Variants in ATG4C observed in about 807,000 individuals in gnomAD.
ATG4C encodes the protein autophagy related 4C cysteine peptidase.
Under a neutral mutation model 57.6 loss-of-function variants are expected in ATG4C, and 56 were observed. That is an observed-to-expected ratio of 0.97 (90% CI 0.78 to 1.21). The LOEUF (loss-of-function observed/expected upper bound fraction) is 1.21, where lower values mean the gene tolerates loss of function less well. Among genes scored for constraint, ATG4C ranks in the 50% most tolerant of loss-of-function variants. ATG4C has a pLI of 0.00. For synonymous variants in ATG4C, 157 were observed against 174.1 expected (o/e 0.90, Z 0.78); for missense variants, 595 against 529.8 (o/e 1.12, Z -1.21).
intron 1 of ATG4C, among the ~76,000 whole-genome samples, chr1:62,793,504 TA>T (rs566423350): frequency 1.0e-3 from 144 of 143,334 alleles, no homozygotes; most frequent in African/African-American, 3.4e-3. Flanking sequence ...TCCCAACTAC[TA>T]GGGAACTGAG....
chr1:62,826,528 G>C (rs1046485269), intron 6 of ATG4C, among the ~76,000 whole-genome samples: 1 of 151,766 alleles, frequency 6.6e-6, no homozygotes, highest in Non-Finnish European at 1.5e-5. Flanking sequence ...GAGCTACCAC[G>C]CCCGGCCGAC....
At chr1:62,857,357 C>T (rs1162250229) in intron 10 of ATG4C, among the ~76,000 whole-genome samples, 1 of 152,094 alleles carries the variant, frequency 6.6e-6, no homozygotes, top group Non-Finnish European at 1.5e-5. Context: ...GTTGCATGCT[C>T]CTTATGAGAA....
At chr1:62,802,141 C>A (rs949237250) in intron 1 of ATG4C, among the ~76,000 whole-genome samples, 1 of 152,002 alleles carries the variant, frequency 6.6e-6, no homozygotes, top group African/African-American at 2.4e-5. Flanking sequence ...GTTTCACACA[C>A]CAAAGCCTGG....
chr1:62,820,380 G>A (rs1665443296), intron 5 of ATG4C, among the ~76,000 whole-genome samples: 1 of 151,818 alleles, frequency 6.6e-6, no homozygotes, highest in Non-Finnish European at 1.5e-5. Context: ...GCTTGCAGAT[G>A]GTACAAAAAC....
At chr1:62,817,739 G>C (rs1665329394) in intron 4 of ATG4C, among the ~76,000 whole-genome samples, 1 of 152,050 alleles carries the variant, frequency 6.6e-6, no homozygotes, top group Non-Finnish European at 1.5e-5. Flanking sequence ...TTCCTAATGT[G>C]CCACCTTTGT....
intron 9 of ATG4C, chr1:62,835,625 C>T (rs1284708797): frequency 1.2e-5 from 2 of 161,368 alleles, no homozygotes; most frequent in African/African-American, 2.4e-5. Flanking sequence ...CTAATATTAA[C>T]ACCTAATAGT....
chr1:62,832,805 T>G (rs1028617686), intron 7 of ATG4C, among the ~76,000 whole-genome samples: 10 of 152,216 alleles, frequency 6.6e-5, no homozygotes, highest in African/African-American at 2.4e-4. Flanking sequence ...GCACATTTTG[T>G]TGTCATAAAA....
At chr1:62,816,414 A>T (rs1174942741) in intron 3 of ATG4C, among the ~76,000 whole-genome samples, 161 bp from the exon 4 acceptor site, 1 of 152,164 alleles carries the variant, frequency 6.6e-6, no homozygotes, top group Non-Finnish European at 1.5e-5. Flanking sequence ...CAGTCAGGAA[A>T]ATCTAACTTG....
At chr1:62,863,907 C>T in intron 10 of ATG4C, 85 bp from the exon 11 acceptor site, 1 of 961,616 alleles carries the variant, frequency 1.0e-6, no homozygotes, top group South Asian at 1.9e-5. Context: ...AGGAGAGGTT[C>T]AGGGCTAAAA....
intron 3 of ATG4C, among the ~76,000 whole-genome samples, chr1:62,809,827 C>T (rs1433431570): frequency 3.3e-5 from 5 of 151,648 alleles, no homozygotes; most frequent in Non-Finnish European, 7.4e-5. Flanking sequence ...AAATGCATAT[C>T]CTGGTAATGA....
chr1:62,788,958 A>G (rs1486036140), intron 1 of ATG4C, among the ~76,000 whole-genome samples: 1 of 151,292 alleles, frequency 6.6e-6, no homozygotes, highest in Non-Finnish European at 1.5e-5. Flanking sequence ...CGTTTATTCC[A>G]TTATTGGTGA....
chr1:62,815,789 A>G (rs1191694418), intron 3 of ATG4C, among the ~76,000 whole-genome samples: 1 of 152,162 alleles, frequency 6.6e-6, no homozygotes, highest in African/African-American at 2.4e-5. Flanking sequence ...AGTTCAAACG[A>G]TTCCCTTGCC....
At chr1:62,820,114 T>C (rs1050505444) in intron 5 of ATG4C, among the ~76,000 whole-genome samples, 2 of 152,110 alleles carry the variant, frequency 1.3e-5, no homozygotes, top group Non-Finnish European at 2.9e-5. Flanking sequence ...ATGCTTACAA[T>C]TGAAAAGTAT....
intron 5 of ATG4C, among the ~76,000 whole-genome samples, 200 bp downstream of exon 5, chr1:62,819,535 A>G (rs1665414228): frequency 6.6e-6 from 1 of 151,998 alleles, no homozygotes; most frequent in Non-Finnish European, 1.5e-5. Context: ...TTACTGACAA[A>G]TTTTTCTTCT....
At chr1:62,860,233 CCTT>C (rs1666810197) in intron 10 of ATG4C, among the ~76,000 whole-genome samples, 1 of 152,112 alleles carries the variant, frequency 6.6e-6, no homozygotes, top group Non-Finnish European at 1.5e-5. Context: ...GATAACAGTG[CCTT>C]CTTCTGCAGT....
chr1:62,835,771 C>G lies in ATG4C; in HGVS notation c.1089+919C>G, dbSNP rs185328693. Among the ~76,000 whole-genome samples, 802 of 152,130 alleles carry G rather than the reference C, an allele frequency of 5.3e-3. 5 individuals carry two copies. The highest frequency in any genetic ancestry group is 7.4e-3 in the Non-Finnish European group (505 of 67,920). On this transcript the variant is annotated intron_variant, in intron 9 of 10. Coordinates refer to ENST00000317868, the MANE Select transcript of ATG4C (RefSeq NM_032852.4). ...GTATAAGCATCTGGAGGCCAGAGGT[C>G]AGGTCTATTTTGTTCTTTCATAGTA... is the stretch of plus-strand genomic sequence containing the variant.
rs144233894 is a variant in ATG4C, at chr1:62,859,288, G to A, written c.1210-4704G>A. On this transcript the variant is annotated intron_variant, in intron 10 of 10. Transcript: ENST00000317868. Reference sequence around the variant, plus strand: ...TCAAAATCTGAAAAAAATCCAAAATGGAAACACTTCCGTCCTAAGCATTTC... The same window carrying A: ...TCAAAATCTGAAAAAAATCCAAAATAGAAACACTTCCGTCCTAAGCATTTC... Among the ~76,000 whole-genome samples, 123 of 152,162 alleles carry A rather than the reference G, an allele frequency of 8.1e-4. 2 individuals carry two copies. The East Asian group carries it at 0.021, about 26-fold the overall frequency.
intron 10 of ATG4C, among the ~76,000 whole-genome samples, chr1:62,847,625 C>T (rs1043317083): frequency 4.6e-5 from 7 of 152,158 alleles, no homozygotes; most frequent in African/African-American, 1.7e-4. Flanking sequence ...GAGTGAGTGT[C>T]TTTCTAATCA....
intron 7 of ATG4C, among the ~76,000 whole-genome samples, chr1:62,829,591 G>T (rs1665777421): frequency 6.6e-6 from 1 of 152,002 alleles, no homozygotes; most frequent in Non-Finnish European, 1.5e-5. Context: ...GTGACACCAT[G>T]ATGTCAATAA....
Sources: gnomAD v4.1 joint callset for allele counts (sites outside exome capture counted in the v4.1 genomes callset) on GRCh38, gnomAD v4.1.1 for gene constraint, MANE v1.5 for transcripts, NCBI Gene and HGNC (gene_info 2026-07-23, HGNC 2026-07-21) for gene names.